FBXO30: variants seen among roughly 807,000 people sequenced by gnomAD.
FBXO30 encodes F-box protein 30, also known as F-box only protein 30.
In FBXO30, 21 loss-of-function variants were observed where a neutral mutation model predicts 58.1. The ratio of observed to expected loss-of-function variants is 0.36; its 90% CI spans 0.26 to 0.52. The LOEUF is 0.52. Ranked by LOEUF, FBXO30 falls within the 20% of genes least tolerant of loss-of-function variation. The pLI is 0.93. For synonymous variants in FBXO30, 309 were observed against 312.4 expected, an observed-to-expected ratio of 0.99 and a Z score of 0.11; for missense variants, 744 against 897.3, an observed-to-expected ratio of 0.83 and a Z score of 2.18.
At chr6:145,800,347 T>C (rs775893546) in intron 2 of FBXO30, 38 bp from the exon 3 acceptor site, 3 of 1,562,112 alleles carry the variant, frequency 1.9e-6, no homozygotes, top group Non-Finnish European at 2.6e-6. Context: ...AACAAGTCAA[T>C]GTGTAGAGAA....
chr6:145,801,366 C>T (rs1046685514), intron 2 of FBXO30, among the ~76,000 whole-genome samples: 2 of 151,908 alleles, frequency 1.3e-5, no homozygotes, highest in Non-Finnish European at 2.9e-5. Context: ...AATTCGTCAA[C>T]TTTCTTAAAA....
At chr6:145,808,677 TTATGA>T (rs1036411010) in intron 1 of FBXO30, among the ~76,000 whole-genome samples, 133 of 152,164 alleles carry the variant, frequency 8.7e-4, no homozygotes, top group African/African-American at 3.1e-3. Context: ...AATGGATTAC[TTATGA>T]TATATTTCTA....
Position 145,796,784 on chromosome 6 carries a change from C to T in FBXO30, c.*3322G>A, listed in dbSNP as rs953108364. Reference sequence around the variant, plus strand: ...AAATCTCCACAGGCAAAACTGTTATCGATATAGTAATATAAACTACCATAT... The same window carrying T: ...AAATCTCCACAGGCAAAACTGTTATTGATATAGTAATATAAACTACCATAT... On this transcript the variant is annotated 3_prime_UTR_variant, in exon 3 of 3. Transcript: ENST00000237281. 4.0e-5 allele frequency: 6 copies of T among 151,820 alleles called. No homozygotes were observed. Among genetic ancestry groups the T allele is most frequent in the East Asian group, 1.9e-4 (1 of 5,188 alleles). 9.4% of individuals were successfully genotyped at this position (151,820 alleles called of 1,614,324 possible). A position where few individuals can be genotyped will look rare whatever the true frequency, so the allele number is the denominator to read the frequency against.
At position 145,804,960 on chromosome 6, in the gene FBXO30, A is replaced by G; in HGVS notation, c.1446T>C (p.Ala482=). 6.2e-7 allele frequency: 1 copy of G among 1,613,930 alleles called. No individual in the cohort carries two copies. The highest frequency in any genetic ancestry group is 2.2e-5 in the East Asian group (1 of 44,878). Reference sequence around the variant, plus strand: ...AAAGCTGTGGATTGGCATGATCACAAGCTGAAGCTGAAGCTATCTCCCCAA... The same window carrying G: ...AAAGCTGTGGATTGGCATGATCACAGGCTGAAGCTGAAGCTATCTCCCCAA... The part of the protein sequence containing the change: ...TMVGEIASAS[A]CDHANPQLSN... Residue 482 remains alanine (A), a synonymous_variant, in exon 2 of 3, where the codon GCT becomes GCC. Transcript: ENST00000237281.
chr6:145,805,460 C>T lies in FBXO30; in HGVS notation c.946G>A (p.Asp316Asn). 1 of 1,610,896 alleles carries T rather than the reference C, an allele frequency of 6.2e-7. No homozygotes were observed. The highest frequency in any genetic ancestry group is 1.3e-5 in the African/African-American group (1 of 74,916). ...GTGCCATCTGATGATGCCACACAGT[C>T]TCCATTTGTTAAGTTACTTTGTTTT... ...DSKQSNLTNGDCVASSDGTSK... is the reference protein window; with the variant it reads ...DSKQSNLTNGNCVASSDGTSK... Residue 316 changes from aspartate to asparagine, a missense_variant, in exon 2 of 3, where the codon GAC (aspartate) becomes AAC (asparagine). This residue lies in a region of FBXO30 where 275 missense variants were observed against 262.0 expected (regional missense o/e 1.05). Transcript: ENST00000237281.
In FBXO30 at chr6:145,805,220, A is replaced by G. The variant is rs1487873779; in HGVS notation, c.1186T>C (p.Cys396Arg). 1.2e-6 allele frequency: 2 copies of G among 1,614,076 alleles called. No individual in the cohort carries two copies. The highest frequency in any genetic ancestry group is 8.5e-7 in the Non-Finnish European group (1 of 1,179,962). The change falls in exon 2 of 3, where the codon TGT (cysteine) becomes CGT (arginine). Residue 396 changes from cysteine to arginine, a missense_variant. This residue lies in a region of FBXO30 where 334 missense variants were observed against 433.7 expected (regional missense o/e 0.77). Coordinates refer to ENST00000237281, the MANE Select transcript of FBXO30 (RefSeq NM_032145.5). Reference protein sequence around the residue: ...APSFNFLSNSCWSKPKEDKAV... With the variant: ...APSFNFLSNSRWSKPKEDKAV... ...TTATCTTCCTTTGGTTTAGACCAAC[A>G]TGAATTAGAAAGAAAATTGAATGAA...
Position 145,804,394 on chromosome 6 carries a change from G to T in FBXO30, c.2012C>A (p.Ser671Ter). Residue 671 changes from serine (S) to a stop codon, truncating the protein, a stop_gained, in exon 2 of 3, where the codon TCA becomes TAA. Coordinates refer to ENST00000237281, the MANE Select transcript of FBXO30 (RefSeq NM_032145.5). LOFTEE classifies it high-confidence loss of function. Reference protein sequence around the residue: ...WGKRKYPEGNSSWQIKEKVWR... With the variant: ...WGKRKYPEGN ...AACCTTTTCTTTTATCTGCCATGAT[G>T]AATTTCCTTCTGGATACTTCCTTTT... 1 of 1,612,576 alleles carries T rather than the reference G, an allele frequency of 6.2e-7. No individual in the cohort carries two copies. Among genetic ancestry groups the T allele is most frequent in the Non-Finnish European group, 8.5e-7 (1 of 1,179,296 alleles).
At chr6:145,806,453 T>G (rs1398562279) in intron 1 of FBXO30, 32 bp from the exon 2 acceptor site, 2 of 1,535,930 alleles carry the variant, frequency 1.3e-6, no homozygotes, top group Non-Finnish European at 1.8e-6. Flanking sequence ...GATAAGAAAT[T>G]AGCCAAAAAA....
Position 145,796,867 on chromosome 6 carries a change from C to T in FBXO30, c.*3239G>A, listed in dbSNP as rs965969520. 5 of 151,824 alleles carry T rather than the reference C, an allele frequency of 3.3e-5. No individual in the cohort carries two copies. Among genetic ancestry groups the T allele is most frequent in the Non-Finnish European group, 5.9e-5 (4 of 67,872 alleles). 9.4% of individuals were successfully genotyped at this position (151,824 alleles called of 1,614,324 possible). A position where few individuals can be genotyped will look rare whatever the true frequency, so the allele number is the denominator to read the frequency against. On this transcript the variant is annotated 3_prime_UTR_variant, in exon 3 of 3. Transcript: ENST00000237281. ...CTATTATCAGCAACATTACTAAGAT[C>T]CCAACATCCAGTGTTAAAGGACAGA...
chr6:145,804,318 GTAT>G (rs1381932110), intron 2 of FBXO30, 51 bp downstream of exon 2: 31 of 1,417,386 alleles, frequency 2.2e-5, no homozygotes, highest in Non-Finnish European at 3.0e-5. Context: ...TAATTCAGCA[GTAT>G]TATTAAAGTC....
Position 145,804,420 on chromosome 6 carries a change from C to G in FBXO30, c.1986G>C (p.Gly662=), listed in dbSNP as rs1017268360. 1 of 1,613,416 alleles carries G rather than the reference C, an allele frequency of 6.2e-7. No homozygotes were observed. Among genetic ancestry groups the G allele is most frequent in the Non-Finnish European group, 8.5e-7 (1 of 1,179,648 alleles). ...QSRGMVILQW[G]KRKYPEGNSS... The stretch of plus-strand genomic sequence containing the variant: ...AATTTCCTTCTGGATACTTCCTTTT[C>G]CCCCACTGCAGTATGACCATGCCAC... Residue 662 remains glycine (G), a synonymous_variant, in exon 2 of 3, where the codon GGG becomes GGC. Coordinates refer to ENST00000237281, the MANE Select transcript of FBXO30 (RefSeq NM_032145.5).
rs1777919381 is a variant in FBXO30 at position 145,798,911 on chromosome 6, A to G, written c.*1195T>C. 1 of 152,052 alleles carries G rather than the reference A, an allele frequency of 6.6e-6. No homozygotes were observed. The highest frequency in any genetic ancestry group is 2.1e-4 in the South Asian group (1 of 4,826). The allele number at this position is 152,052 out of a possible 1,614,324, so 9.4% of individuals were successfully genotyped here. A position where few individuals can be genotyped will look rare whatever the true frequency, so the allele number is the denominator to read the frequency against. ...TTTAAGTATATATTCCCACCTTTGCAATTTATTTCTAAATACTGATATATT... is the reference window on the plus strand; with the variant it reads ...TTTAAGTATATATTCCCACCTTTGCGATTTATTTCTAAATACTGATATATT... On this transcript the variant is annotated 3_prime_UTR_variant, in exon 3 of 3. Transcript: ENST00000237281.
At position 145,800,214 on chromosome 6, in the gene FBXO30, A is replaced by G. The variant is rs1264806612; in HGVS notation, c.2130T>C (p.Asn710=). The part of the protein sequence containing the change: ...MADHLKKCSY[N]VVEKREEAIP... The stretch of plus-strand genomic sequence containing the variant: ...TTGCTTCCTCCCGTTTCTCGACAAC[A>G]TTGTAACTGCATTTCTTCAAGTGGT... Residue 710 remains asparagine (N), a synonymous_variant, in exon 3 of 3, where the codon AAT becomes AAC. Transcript: ENST00000237281. 3.1e-6 allele frequency: 5 copies of G among 1,613,152 alleles called. No homozygotes were observed. The South Asian group carries it at 5.5e-5, about 18-fold the overall frequency.
chr6:145,797,207 A>T lies in FBXO30; in HGVS notation c.*2899T>A, dbSNP rs911259270. 1.3e-5 allele frequency: 2 copies of T among 152,002 alleles called. No individual in the cohort carries two copies. Among genetic ancestry groups the T allele is most frequent in the African/African-American group, 4.8e-5 (2 of 41,420 alleles). The allele number at this position is 152,002 out of a possible 1,614,324, so 9.4% of individuals were successfully genotyped here. On this transcript the variant is annotated 3_prime_UTR_variant, in exon 3 of 3. Coordinates refer to ENST00000237281, the MANE Select transcript of FBXO30 (RefSeq NM_032145.5). ...CTTGAACAGAAGAAACACTAGTAAA[A>T]TTTTAGTAAAATTTTAAATACTAGT... is the stretch of plus-strand genomic sequence containing the variant.
chr6:145,805,773 AT>A lies in FBXO30; in HGVS notation c.632del (p.Asn211IlefsTer18), dbSNP rs1412067179. 6.2e-7 allele frequency: 1 copy of A among 1,613,910 alleles called. No homozygotes were observed. The highest frequency in any genetic ancestry group is 1.3e-5 in the African/African-American group (1 of 74,888). ...CATCCATGTCATTTGGGACACTTGT[AT>A]TTAACATGCCAATGTCTCTTGTAGC... Reference protein sequence around the residue: ...NTATRDIGMLNTSVPNDMDEQ... With the variant: ...NTATRDIGMLXTSVPNDMDEQ... On this transcript the variant is annotated frameshift_variant, in exon 2 of 3. Coordinates refer to ENST00000237281, the MANE Select transcript of FBXO30 (RefSeq NM_032145.5). LOFTEE classifies it high-confidence loss of function.
In FBXO30 at chr6:145,805,674, T is replaced by C; in HGVS notation, c.732A>G (p.Ile244Met). The C allele has an allele frequency of 1.2e-6, 2 of 1,614,122 alleles. No individual in the cohort carries two copies. The highest frequency in any genetic ancestry group is 8.5e-7 in the Non-Finnish European group (1 of 1,179,992). The change falls in exon 2 of 3, where the codon ATA (isoleucine) becomes ATG (methionine). Residue 244 changes from isoleucine to methionine, a missense_variant. This residue lies in a region of FBXO30 where 275 missense variants were observed against 262.0 expected (regional missense o/e 1.05). Transcript: ENST00000237281. ...TGTAGTCAATTCCACCTACTGCTCC[T>C]ATTTCCTCCTCATAAAGATGATCTT... is the stretch of plus-strand genomic sequence containing the variant. ...KDQDHLYEEE[I>M]GAVGGIDYND...
In FBXO30 at chr6:145,804,286, C is replaced by A. The variant is rs368180839; in HGVS notation, c.2034+86G>T. ...GTAAGTTTTAGGGAATGGTCAATTT[C>A]TCAACAAGATATTAATTGTATTAAT... On this transcript the variant is annotated intron_variant, in intron 2 of 2. Transcript: ENST00000237281. 115 of 1,226,412 alleles carry A rather than the reference C, an allele frequency of 9.4e-5. 1 individual carries two copies. Among genetic ancestry groups the A allele is most frequent in the East Asian group, 7.9e-4 (33 of 41,954 alleles). 76.0% of individuals were successfully genotyped at this position (1,226,412 alleles called of 1,614,324 possible).
In FBXO30 at chr6:145,799,527, T is replaced by C. The variant is rs1006069248; in HGVS notation, c.*579A>G. Reference sequence around the variant, plus strand: ...AGTATGTGAGATAAAAACATCTTTGTGGATTATTTTTAAAACGATAAACTG... The same window carrying C: ...AGTATGTGAGATAAAAACATCTTTGCGGATTATTTTTAAAACGATAAACTG... On this transcript the variant is annotated 3_prime_UTR_variant, in exon 3 of 3. Coordinates refer to ENST00000237281, the MANE Select transcript of FBXO30 (RefSeq NM_032145.5). 2.0e-5 allele frequency: 3 copies of C among 152,546 alleles called. No individual in the cohort carries two copies. The highest frequency in any genetic ancestry group is 7.2e-5 in the African/African-American group (3 of 41,444). 9.4% of individuals were successfully genotyped at this position (152,546 alleles called of 1,614,324 possible).
rs1185914105 is a variant in FBXO30 at position 145,796,905 on chromosome 6, C to T, written c.*3201G>A. The T allele has an allele frequency of 6.6e-6, 1 of 151,798 alleles. No homozygotes were observed. The highest frequency in any genetic ancestry group is 1.9e-4 in the East Asian group (1 of 5,176). The allele number at this position is 151,798 out of a possible 1,614,324, so 9.4% of individuals were successfully genotyped here. ...GTTAAAGGACAGATATTAATAGCAACAACATTGATGAGATAGGCAGCACAG... is the reference window on the plus strand; with the variant it reads ...GTTAAAGGACAGATATTAATAGCAATAACATTGATGAGATAGGCAGCACAG... On this transcript the variant is annotated 3_prime_UTR_variant, in exon 3 of 3. Coordinates refer to ENST00000237281, the MANE Select transcript of FBXO30 (RefSeq NM_032145.5).
Sources: gnomAD v4.1 joint callset for allele counts (sites outside exome capture counted in the v4.1 genomes callset) on GRCh38, gnomAD v4.1.1 for gene constraint, gnomAD v4.1.1 regional missense constraint, MANE v1.5 for transcripts, NCBI Gene and HGNC (gene_info 2026-07-23, HGNC 2026-07-21) for gene names.